Variants in KCNQ1 observed in about 807,000 individuals in gnomAD.
KCNQ1 encodes potassium voltage-gated channel subfamily Q member 1, also known as potassium voltage-gated channel subfamily KQT member 1.
A neutral mutation model predicts 72.4 loss-of-function variants in KCNQ1; 49 were observed. The observed-to-expected ratio is 0.68, with a 90% CI of 0.54 to 0.86. KCNQ1 has a LOEUF of 0.86. KCNQ1 is among the 40% of genes least tolerant of loss of function. KCNQ1 has a pLI of 0.00. For synonymous variants in KCNQ1, 450 were observed against 412.6 expected (o/e 1.09, Z -1.10); for missense variants, 790 against 945.1 (o/e 0.84, Z 2.15).
intron 15 of KCNQ1, among the ~76,000 whole-genome samples, chr11:2,819,909 A>G (rs1365907807): frequency 2.0e-5 from 3 of 152,228 alleles, no homozygotes; most frequent in African/African-American, 7.2e-5. Flanking sequence ...ATATGAAAGT[A>G]TATATCATAA....
chr11:2,505,447 G>A (rs1465349491), intron 1 of KCNQ1, among the ~76,000 whole-genome samples: 1 of 152,144 alleles, frequency 6.6e-6, no homozygotes, highest in Non-Finnish European at 1.5e-5. Flanking sequence ...TGCATGCTGT[G>A]GTCATGGGTC....
intron 10 of KCNQ1, chr11:2,625,487 T>A (rs1196762278): frequency 1.0e-5 from 4 of 398,502 alleles, no homozygotes; most frequent in Non-Finnish European, 1.8e-5. Flanking sequence ...GACTTGTATT[T>A]CCTAATGACT....
intron 2 of KCNQ1, among the ~76,000 whole-genome samples, chr11:2,542,929 T>C (rs1225636309): frequency 1.3e-5 from 2 of 152,098 alleles, no homozygotes; most frequent in Non-Finnish European, 2.9e-5. Context: ...GGCTGGATAA[T>C]GTGGTGAGTG....
intron 11 of KCNQ1, chr11:2,667,869 G>A: frequency 2.5e-6 from 1 of 398,654 alleles, no homozygotes; most frequent in Non-Finnish European, 4.4e-6. Context: ...ACACAGATTA[G>A]TACACAGGTC....
intron 15 of KCNQ1, among the ~76,000 whole-genome samples, chr11:2,794,830 G>C (rs1847098844): frequency 6.6e-6 from 1 of 152,110 alleles, no homozygotes; most frequent in South Asian, 2.1e-4. Flanking sequence ...TTCTTCCCAA[G>C]TTTGCTCTCC....
rs1317842386 is a variant in KCNQ1 at position 2,787,238 on chromosome 11, T to G, written c.1794+9201T>G. Among the ~76,000 whole-genome samples the G allele has an allele frequency of 6.6e-6, 1 of 152,196 alleles. No homozygotes were observed. Among genetic ancestry groups the G allele is most frequent in the Non-Finnish European group, 1.5e-5 (1 of 68,032 alleles). The stretch of plus-strand genomic sequence containing the variant: ...TCTCTTAGCAGTAATGCAGTTTTCT[T>G]TACAATCTTCTCAGGGAGTAGGAGA... On this transcript the variant is annotated intron_variant, in intron 15 of 15. Coordinates refer to ENST00000155840, the MANE Select transcript of KCNQ1 (RefSeq NM_000218.3). The surrounding 1 kb of genome is among the most constrained non-coding windows in gnomAD (Gnocchi z 6.3).
chr11:2,570,850 C>T lies in KCNQ1; in HGVS notation c.604+96C>T. On this transcript the variant is annotated intron_variant, in intron 3 of 15. Coordinates refer to ENST00000155840, the MANE Select transcript of KCNQ1 (RefSeq NM_000218.3). ...CCTACCAGATGGAGTCCCCTAAGGA[C>T]TGGGGAACCCCAAGGCCAGCAGGGG... 3 of 1,559,046 alleles carry T rather than the reference C, an allele frequency of 1.9e-6. No homozygotes were observed. In the South Asian group the frequency reaches 3.4e-5, roughly 17 times the overall value.
intron 2 of KCNQ1, among the ~76,000 whole-genome samples, chr11:2,535,071 G>A (rs1394412777): frequency 6.6e-6 from 1 of 152,206 alleles, no homozygotes; most frequent in African/African-American, 2.4e-5. Flanking sequence ...GCTCTGCCCA[G>A]CCAGACTTCA....
At position 2,704,023 on chromosome 11, in the gene KCNQ1, G is replaced by A. The variant is rs1850865258; in HGVS notation, c.1514+41942G>A. Among the ~76,000 whole-genome samples the A allele has an allele frequency of 1.3e-5, 2 of 152,258 alleles. No homozygotes were observed. The highest frequency in any genetic ancestry group is 1.3e-4 in the Admixed American group (2 of 15,286). Reference sequence around the variant, plus strand: ...TCAGGGTTATCCCTGAGTGGCTGATGCATTGCCAGGAAGCCTGCTCTTAAG... The same window carrying A: ...TCAGGGTTATCCCTGAGTGGCTGATACATTGCCAGGAAGCCTGCTCTTAAG... On this transcript the variant is annotated intron_variant, in intron 11 of 15. Coordinates refer to ENST00000155840, the MANE Select transcript of KCNQ1 (RefSeq NM_000218.3). This position sits in a 1 kb window ranked among gnomAD's most constrained non-coding sequence, Gnocchi z 4.3.
chr11:2,646,328 A>C (rs562928005), intron 10 of KCNQ1: 44 of 398,496 alleles, frequency 1.1e-4, no homozygotes, highest in African/African-American at 8.8e-4. Context: ...TTTTCTTTCA[A>C]TCCATGAGCA....
chr11:2,669,951 G>C lies in KCNQ1; in HGVS notation c.1514+7870G>C. 1 of 398,712 alleles carries C rather than the reference G, an allele frequency of 2.5e-6. No individual in the cohort carries two copies. Among genetic ancestry groups the C allele is most frequent in the Non-Finnish European group, 4.4e-6 (1 of 226,152 alleles). 24.7% of individuals were successfully genotyped at this position (398,712 alleles called of 1,614,324 possible). ...ACAGTCTGGAGTCAGGTGGAGGGAA[G>C]GGAAGTCTAGAGGTCCCCAAGTCAC... is the stretch of plus-strand genomic sequence containing the variant. On this transcript the variant is annotated intron_variant, in intron 11 of 15. Coordinates refer to ENST00000155840, the MANE Select transcript of KCNQ1 (RefSeq NM_000218.3). This position sits in a 1 kb window ranked among gnomAD's most constrained non-coding sequence, Gnocchi z 5.6.
intron 13 of KCNQ1, 139 bp downstream of exon 13, chr11:2,776,193 A>T (rs893056798): frequency 3.2e-5 from 24 of 739,780 alleles, no homozygotes; most frequent in Non-Finnish European, 4.7e-5. Context: ...TCTCCTCACC[A>T]CCCCCAGCCC....
At position 2,767,351 on chromosome 11, in the gene KCNQ1, G is replaced by A. The variant is rs374866325; in HGVS notation, c.1515-1493G>A. On this transcript the variant is annotated intron_variant, in intron 11 of 15. Transcript: ENST00000155840. This position sits in a 1 kb window ranked among gnomAD's most constrained non-coding sequence, Gnocchi z 4.6. ...TCCAAAAGGACATGAATTATATACC[G>A]TGTACATTCCCCAGTACTCTTTCAT... Among the ~76,000 whole-genome samples, 40 of 152,200 alleles carry A rather than the reference G, an allele frequency of 2.6e-4. No individual in the cohort carries two copies. The highest frequency in any genetic ancestry group is 3.4e-3 in the Middle Eastern group (1 of 294).
intron 11 of KCNQ1, among the ~76,000 whole-genome samples, chr11:2,729,717 TCA>T (rs375740927): frequency 2.6e-4 from 39 of 152,300 alleles, no homozygotes; most frequent in South Asian, 6.2e-4. Flanking sequence ...CATGTCAGTA[TCA>T]CACCATTTCG....
chr11:2,747,153 C>T (rs975174297), intron 11 of KCNQ1, among the ~76,000 whole-genome samples: 3 of 152,190 alleles, frequency 2.0e-5, no homozygotes, highest in Non-Finnish European at 2.9e-5. Context: ...GCATTGAGCC[C>T]GTCTTAAAAG....
In KCNQ1 at chr11:2,478,964, A is replaced by G. The variant is rs1254372616; in HGVS notation, c.386+33480A>G. ...AGTAATTGGCCAAAACGAAGGGGCT[A>G]AAGGCCCCATGCAAGTTCGAAATCC... On this transcript the variant is annotated intron_variant, in intron 1 of 15. Coordinates refer to ENST00000155840, the MANE Select transcript of KCNQ1 (RefSeq NM_000218.3). This position sits in a 1 kb window ranked among gnomAD's most constrained non-coding sequence, Gnocchi z 4.0. Among the ~76,000 whole-genome samples the G allele has an allele frequency of 3.3e-5, 5 of 152,234 alleles. No homozygotes were observed. Among genetic ancestry groups the G allele is most frequent in the Non-Finnish European group, 7.3e-5 (5 of 68,040 alleles).
chr11:2,840,991 G>A (rs963812459), intron 15 of KCNQ1, among the ~76,000 whole-genome samples: 2 of 152,198 alleles, frequency 1.3e-5, no homozygotes, highest in Non-Finnish European at 2.9e-5. Context: ...TCCAGGCTCT[G>A]GGAGACTGTC....
chr11:2,814,182 G>A (rs1439573268), intron 15 of KCNQ1, among the ~76,000 whole-genome samples: 1 of 143,600 alleles, frequency 7.0e-6, no homozygotes, highest in Non-Finnish European at 1.5e-5. Context: ...AGATGGTTGA[G>A]TGGGGGGGTA....
Position 2,622,416 on chromosome 11 carries a change from C to T in KCNQ1, c.1393+33562C>T, listed in dbSNP as rs1589987186. 3.0e-5 allele frequency: 12 copies of T among 398,246 alleles called. No individual in the cohort carries two copies. The East Asian group carries it at 3.9e-4, about 13-fold the overall frequency. The allele number at this position is 398,246 out of a possible 1,614,324, so 24.7% of individuals were successfully genotyped here. On this transcript the variant is annotated intron_variant, in intron 10 of 15. Coordinates refer to ENST00000155840, the MANE Select transcript of KCNQ1 (RefSeq NM_000218.3). Reference sequence around the variant, plus strand: ...TATGAAATATCATTTTTCATTCTTTCACTTTCAATCTACTTGTGTCTTTAG... The same window carrying T: ...TATGAAATATCATTTTTCATTCTTTTACTTTCAATCTACTTGTGTCTTTAG...
Sources: allele counts gnomAD v4.1 joint callset (sites outside exome capture counted in the v4.1 genomes callset), GRCh38; gene constraint gnomAD v4.1.1; non-coding constraint Gnocchi (gnomAD v3.1); transcripts MANE v1.5; gene names NCBI Gene and HGNC (gene_info 2026-07-23, HGNC 2026-07-21).